MCUB: variants seen among roughly 807,000 people sequenced by gnomAD.
MCUB encodes the protein mitochondrial calcium uniporter dominant negative subunit beta, also known as calcium uniporter regulatory subunit MCUb, mitochondrial.
In MCUB, 46 loss-of-function variants were observed where a neutral mutation model predicts 41.4. The observed-to-expected ratio is 1.11, with a 90% CI of 0.88 to 1.42. The LOEUF (loss-of-function observed/expected upper bound fraction) is 1.42. Ranked by LOEUF, MCUB falls within the 40% of genes most tolerant of loss-of-function variation. The pLI, the probability that MCUB is intolerant of heterozygous loss-of-function variation, is 0.00. For synonymous variants in MCUB, 148 were observed against 148.2 expected (o/e 1.00, Z 0.01); for missense variants, 403 against 404.9 (o/e 1.00, Z 0.04).
intron 4 of MCUB, among the ~76,000 whole-genome samples, chr4:109,680,166 A>AT (rs1002411815): frequency 6.6e-6 from 1 of 152,122 alleles, no homozygotes; most frequent in African/African-American, 2.4e-5. Context: ...TCTCTTTGAA[A>AT]TGTTAACGTT....
At chr4:109,610,838 C>A (rs1021138719) in intron 1 of MCUB, among the ~76,000 whole-genome samples, 1 of 152,048 alleles carries the variant, frequency 6.6e-6, no homozygotes, top group Non-Finnish European at 1.5e-5. Flanking sequence ...AGTTGCAACA[C>A]TATGGGAAGT....
intron 1 of MCUB, among the ~76,000 whole-genome samples, chr4:109,615,189 A>C (rs900315255): frequency 4.6e-5 from 7 of 152,090 alleles, no homozygotes; most frequent in Non-Finnish European, 8.8e-5. Context: ...CACAGTTGAG[A>C]GCTTGCGTAC....
At chr4:109,663,233 T>A (rs1437048098) in intron 3 of MCUB, among the ~76,000 whole-genome samples, 1 of 152,266 alleles carries the variant, frequency 6.6e-6, no homozygotes, top group Non-Finnish European at 1.5e-5. Context: ...TGTAATTATA[T>A]GTGAACTATT....
chr4:109,632,124 A>T (rs1321823103), intron 1 of MCUB, among the ~76,000 whole-genome samples: 1 of 152,194 alleles, frequency 6.6e-6, no homozygotes, highest in Non-Finnish European at 1.5e-5. Context: ...GAAATAATAC[A>T]TCCCTCCATT....
chr4:109,638,290 A>G (rs1728638213), intron 1 of MCUB, among the ~76,000 whole-genome samples: 1 of 152,128 alleles, frequency 6.6e-6, no homozygotes, highest in Admixed American at 6.6e-5. Flanking sequence ...CCAGGAGGTC[A>G]AGGCAGCAGT....
intron 1 of MCUB, among the ~76,000 whole-genome samples, chr4:109,561,249 A>G (rs1457443157): frequency 1.3e-5 from 2 of 152,152 alleles, no homozygotes; most frequent in African/African-American, 4.8e-5. Context: ...GCTGTTTCTG[A>G]GTTTTCGTTT....
intron 3 of MCUB, among the ~76,000 whole-genome samples, chr4:109,664,084 A>G (rs920707829): frequency 6.6e-6 from 1 of 152,198 alleles, no homozygotes; most frequent in Non-Finnish European, 1.5e-5. Flanking sequence ...TGCCTGTTCC[A>G]TTTCGTCCAA....
At chr4:109,578,157 C>G (rs1227650653) in intron 1 of MCUB, among the ~76,000 whole-genome samples, 1 of 152,098 alleles carries the variant, frequency 6.6e-6, no homozygotes, top group African/African-American at 2.4e-5. Flanking sequence ...TCTTTTGTTG[C>G]TTAAAACCAA....
At chr4:109,579,876 A>G (rs1187172612) in intron 1 of MCUB, among the ~76,000 whole-genome samples, 53 of 152,172 alleles carry the variant, frequency 3.5e-4, no homozygotes, top group Admixed American at 3.5e-3. Flanking sequence ...AAATGAACAT[A>G]AAACTTTTTA....
chr4:109,644,093 G>A (rs755268084), intron 1 of MCUB, among the ~76,000 whole-genome samples: 20 of 152,120 alleles, frequency 1.3e-4, no homozygotes, highest in Non-Finnish European at 2.4e-4. Flanking sequence ...GTCATGTTCA[G>A]TAGAGGGGCA....
intron 1 of MCUB, among the ~76,000 whole-genome samples, chr4:109,614,136 T>A (rs1196216244): frequency 6.6e-6 from 1 of 152,202 alleles, no homozygotes; most frequent in Non-Finnish European, 1.5e-5. Flanking sequence ...TGGTTCATAA[T>A]GCAGAAATAC....
intron 1 of MCUB, among the ~76,000 whole-genome samples, chr4:109,658,585 C>G (rs1352265355): frequency 6.6e-6 from 1 of 152,214 alleles, no homozygotes; most frequent in Non-Finnish European, 1.5e-5. Context: ...GCGTGAGCCA[C>G]CATGCCCGGC....
chr4:109,606,320 C>G, intron 1 of MCUB, among the ~76,000 whole-genome samples: 1 of 151,964 alleles, frequency 6.6e-6, no homozygotes, highest in Non-Finnish European at 1.5e-5. Flanking sequence ...TCTCTGTCTT[C>G]TGATTGAAGA....
Position 109,659,029 on chromosome 4 carries a change from T to A in MCUB, c.118T>A (p.Cys40Ser). ...PPPQVLRVKL[C>S]GNVKYYQSHH... The stretch of plus-strand genomic sequence containing the variant: ...CTTGTAGGTTTTGCGTGTGAAGCTG[T>A]GTGGAAATGTGAAATACTACCAGTC... Residue 40 changes from cysteine to serine, a missense_variant, in exon 2 of 8, where the codon TGT (cysteine) becomes AGT (serine). Transcript: ENST00000394650. 1 of 1,540,742 alleles carries A rather than the reference T, an allele frequency of 6.5e-7. No homozygotes were observed. The highest frequency in any genetic ancestry group is 8.8e-7 in the Non-Finnish European group (1 of 1,136,986).
At chr4:109,679,466 C>T (rs898981482) in intron 4 of MCUB, among the ~76,000 whole-genome samples, 3 of 152,222 alleles carry the variant, frequency 2.0e-5, no homozygotes, top group Non-Finnish European at 2.9e-5. Context: ...GTCAACACGG[C>T]GAAACCCCGT....
chr4:109,596,541 T>G (rs197227), intron 1 of MCUB, among the ~76,000 whole-genome samples: 80,517 of 151,640 alleles, frequency 0.53, 21,682 homozygotes, highest in South Asian at 0.69. Context: ...GGAACTGCAG[T>G]TGCCATCCAC....
At position 109,647,196 on chromosome 4, in the gene MCUB, C is replaced by T. The variant is rs151307625; in HGVS notation, c.100-11815C>T. On this transcript the variant is annotated intron_variant, in intron 1 of 7. Transcript: ENST00000394650. ...TAAACCTTCATTGGTACACCATTAT[C>T]CCCCAAAGTCCATAGTTTACATTAG... Among the ~76,000 whole-genome samples, 70 of 152,306 alleles carry T rather than the reference C, an allele frequency of 4.6e-4. 1 individual carries two copies. In the East Asian group the frequency reaches 0.013, roughly 28 times the overall value.
chr4:109,670,283 C>G (rs999854257), intron 4 of MCUB, among the ~76,000 whole-genome samples: 1 of 152,206 alleles, frequency 6.6e-6, no homozygotes, highest in African/African-American at 2.4e-5. Context: ...CCCCACCCCC[C>G]ACCACCTTAG....
In MCUB at chr4:109,661,554, G is replaced by A. The variant is rs527323684; in HGVS notation, c.346+1189G>A. 1.1e-4 allele frequency among the ~76,000 whole-genome samples: 17 copies of A among 152,168 alleles called. No homozygotes were observed. In the South Asian group the frequency reaches 3.3e-3, roughly 30 times the overall value. On this transcript the variant is annotated intron_variant, in intron 3 of 7. Transcript: ENST00000394650. ...GAGAACAAAAGGGATAAAAACTCCT[G>A]CCCTTATGGAGCTTATATTTAGGAG...
Sources: allele counts gnomAD v4.1 joint callset (sites outside exome capture counted in the v4.1 genomes callset), GRCh38; gene constraint gnomAD v4.1.1; transcripts MANE v1.5; gene names NCBI Gene and HGNC (gene_info 2026-07-23, HGNC 2026-07-21).